MRTFA: variants seen among roughly 807,000 people sequenced by gnomAD.
The protein encoded by MRTFA is myocardin-related transcription factor A.
MRTFA carries 20 observed loss-of-function variants against 83.5 expected under a neutral mutation model. The observed-to-expected ratio is 0.24, with a 90% confidence interval of 0.17 to 0.35. MRTFA has a LOEUF of 0.35. MRTFA is among the 10% of genes least tolerant of loss of function. The pLI, the probability that MRTFA is intolerant of heterozygous loss-of-function variation, is 1.00. For synonymous variants in MRTFA, 659 were observed against 541.2 expected (o/e 1.22, Z -3.02); for missense variants, 1,200 against 1,224.7 (o/e 0.98, Z 0.30).
chr22:40,586,612 A>G (rs1260410322), intron 2 of MRTFA: 1 of 177,172 alleles, frequency 5.6e-6, no homozygotes, highest in Non-Finnish European at 1.2e-5. Context: ...TCCTGCCATG[A>G]GCAATCACTG....
intron 3 of MRTFA, chr22:40,533,713 G>T: frequency 1.1e-6 from 1 of 894,960 alleles, no homozygotes; most frequent in Non-Finnish European, 1.5e-6. Context: ...TGTCTTGAAA[G>T]CTTTCACAAA....
intron 2 of MRTFA, among the ~76,000 whole-genome samples, chr22:40,591,122 A>C (rs540311913): frequency 6.6e-6 from 1 of 152,308 alleles, no homozygotes; most frequent in Non-Finnish European, 1.5e-5. Flanking sequence ...CGACAGAGCG[A>C]GACTCCGTCT....
At chr22:40,587,120 G>A in intron 2 of MRTFA, 1 of 455,424 alleles carries the variant, frequency 2.2e-6, no homozygotes, top group Non-Finnish European at 4.5e-6. Flanking sequence ...GAAGGGCTTT[G>A]GATGTCTGGG....
rs541304996 is a variant in MRTFA at position 40,608,705 on chromosome 22, T to C, written c.-83-13970A>G. 8.9e-4 allele frequency among the ~76,000 whole-genome samples: 136 copies of C among 152,314 alleles called. 1 individual carries two copies. In the Middle Eastern group the frequency reaches 0.02, roughly 23 times the overall value. ...TCAAATACTTGCTAAGCAAGTATAATGTGTCAGGTACTGTCTGAGCCCTAG... is the reference window on the plus strand; with the variant it reads ...TCAAATACTTGCTAAGCAAGTATAACGTGTCAGGTACTGTCTGAGCCCTAG... On this transcript the variant is annotated intron_variant, in intron 1 of 14. Coordinates refer to ENST00000355630, the MANE Select transcript of MRTFA (RefSeq NM_020831.6).
At chr22:40,529,175 C>T (rs1300475793) in intron 3 of MRTFA, among the ~76,000 whole-genome samples, 1 of 152,126 alleles carries the variant, frequency 6.6e-6, no homozygotes, top group Non-Finnish European at 1.5e-5. Flanking sequence ...TTAATTGCCA[C>T]TCCCCTCTTG....
chr22:40,416,969 A>G lies in MRTFA; in HGVS notation c.2578+17T>C. On this transcript the variant is annotated intron_variant, in intron 14 of 14. Coordinates refer to ENST00000355630, the MANE Select transcript of MRTFA (RefSeq NM_020831.6). The surrounding 1 kb of genome is among the most constrained non-coding windows in gnomAD (Gnocchi z 4.2). ...CAGAGAAGGCCGTCAGGGAGGCAGC[A>G]GGGGACCTGGGGTTACCTCCGCTCT... The G allele has an allele frequency of 6.3e-7, 1 of 1,587,466 alleles. No homozygotes were observed. Among genetic ancestry groups the G allele is most frequent in the Non-Finnish European group, 8.6e-7 (1 of 1,166,474 alleles).
At chr22:40,586,970 G>T (rs2056040167) in intron 2 of MRTFA, 1 of 454,134 alleles carries the variant, frequency 2.2e-6, no homozygotes, top group Non-Finnish European at 4.5e-6. Flanking sequence ...TATCCACCTG[G>T]AGTTTGTGGT....
chr22:40,457,500 AAGAG>A (rs548992935), intron 4 of MRTFA, among the ~76,000 whole-genome samples: 1 of 146,324 alleles, frequency 6.8e-6, no homozygotes, highest in South Asian at 2.2e-4. Flanking sequence ...GAAAGAAAGA[AAGAG>A]AAAGAAAGAA....
chr22:40,574,634 A>T (rs1229238079), intron 2 of MRTFA, among the ~76,000 whole-genome samples: 2 of 151,714 alleles, frequency 1.3e-5, no homozygotes, highest in African/African-American at 4.9e-5. Context: ...GGGGTTTCAC[A>T]TGTTGTCCAG....
Position 40,498,286 on chromosome 22 carries a change from T to A in MRTFA, c.242-35000A>T, listed in dbSNP as rs1171136545. On this transcript the variant is annotated intron_variant, in intron 3 of 14. Coordinates refer to ENST00000355630, the MANE Select transcript of MRTFA (RefSeq NM_020831.6). ...ATATATATATATATTTTTTTTTTTT[T>A]TTTTTTTTTTTTTTTTGAGGCAGGG... Among the ~76,000 whole-genome samples, 162 of 107,198 alleles carry A rather than the reference T, an allele frequency of 1.5e-3. 2 individuals are homozygous for A. In the Middle Eastern group the frequency reaches 0.017, roughly 11 times the overall value. 70.3% of individuals were successfully genotyped at this position (107,198 alleles called of 152,430 possible). A position where few individuals can be genotyped will look rare whatever the true frequency, so the allele number is the denominator to read the frequency against.
intron 4 of MRTFA, among the ~76,000 whole-genome samples, chr22:40,444,062 T>C (rs1222303390): frequency 6.6e-6 from 1 of 152,206 alleles, no homozygotes; most frequent in African/African-American, 2.4e-5. Flanking sequence ...CCTGAACTTC[T>C]ATTTCCACCT....
chr22:40,424,957 G>A (rs1173935667), intron 7 of MRTFA, among the ~76,000 whole-genome samples: 1 of 152,222 alleles, frequency 6.6e-6, no homozygotes, highest in African/African-American at 2.4e-5. Context: ...TTCAGATGGA[G>A]GGTATCCCAG....
At chr22:40,450,502 C>T (rs1329512538) in intron 4 of MRTFA, among the ~76,000 whole-genome samples, 3 of 152,066 alleles carry the variant, frequency 2.0e-5, no homozygotes, top group Non-Finnish European at 4.4e-5. Flanking sequence ...GTCGCCCAGC[C>T]TGGAGTGCAG....
intron 3 of MRTFA, among the ~76,000 whole-genome samples, chr22:40,518,035 C>G (rs943996362): frequency 6.6e-6 from 1 of 152,098 alleles, no homozygotes; most frequent in African/African-American, 2.4e-5. Context: ...GTCGTATGCC[C>G]AGAGAAGGCA....
chr22:40,561,432 A>G (rs930021975), intron 2 of MRTFA, among the ~76,000 whole-genome samples: 6 of 151,228 alleles, frequency 4.0e-5, no homozygotes, highest in Admixed American at 2.0e-4. Context: ...TAGAGGTTGC[A>G]GTGAGTCAAG....
chr22:40,530,556 T>TA (rs890556336), intron 3 of MRTFA, among the ~76,000 whole-genome samples: 14 of 152,242 alleles, frequency 9.2e-5, no homozygotes, highest in African/African-American at 3.4e-4. Flanking sequence ...CTCGGCTTCC[T>TA]AAAGTGCTGG....
intron 4 of MRTFA, among the ~76,000 whole-genome samples, chr22:40,450,908 T>C (rs1242113743): frequency 1.3e-5 from 2 of 152,200 alleles, no homozygotes; most frequent in African/African-American, 2.4e-5. Flanking sequence ...CCGGATTGGG[T>C]CTGCCTATCT....
At chr22:40,412,086 T>G in intron 14 of MRTFA, 179 bp from the exon 15 acceptor site, 2 of 476,976 alleles carry the variant, frequency 4.2e-6, no homozygotes, top group Non-Finnish European at 6.8e-6. Context: ...GCAAATCACA[T>G]ATTTGATAAA....
intron 7 of MRTFA, among the ~76,000 whole-genome samples, chr22:40,428,713 C>T (rs1024596791): frequency 6.6e-6 from 1 of 152,072 alleles, no homozygotes; most frequent in African/African-American, 2.4e-5. Flanking sequence ...ATGAGTCTCC[C>T]TATGTTGCAT....
Sources: gnomAD v4.1 joint callset for allele counts (sites outside exome capture counted in the v4.1 genomes callset) on GRCh38, gnomAD v4.1.1 for gene constraint, Gnocchi (gnomAD v3.1) non-coding constraint, MANE v1.5 for transcripts, NCBI Gene and HGNC (gene_info 2026-07-23, HGNC 2026-07-21) for gene names.